Variants in POC5 observed in about 807,000 individuals in gnomAD.
The protein encoded by POC5 is centrosomal protein POC5.
A neutral mutation model predicts 62.9 loss-of-function variants in POC5; 48 were observed. The observed-to-expected ratio is 0.76, with a 90% CI of 0.61 to 0.97. POC5 has a LOEUF of 0.97. Among genes scored for constraint, POC5 ranks in the 50% least tolerant of loss-of-function variants. POC5 has a pLI of 0.00. For synonymous variants in POC5, 236 were observed against 228.2 expected (o/e 1.03, Z -0.31); for missense variants, 696 against 679.5 (o/e 1.02, Z -0.27).
At chr5:75,681,864 C>T (rs1456788500) in intron 10 of POC5, among the ~76,000 whole-genome samples, 1 of 152,138 alleles carries the variant, frequency 6.6e-6, no homozygotes, top group Non-Finnish European at 1.5e-5. Flanking sequence ...TTTTCCTATT[C>T]CCAACAATGA....
At position 75,690,509 on chromosome 5, in the gene POC5, T is replaced by G. The variant is rs773738130; in HGVS notation, c.849A>C (p.Lys283Asn). 2 of 1,604,398 alleles carry G rather than the reference T, an allele frequency of 1.2e-6. No individual in the cohort carries two copies. Among genetic ancestry groups the G allele is most frequent in the Admixed American group, 3.4e-5 (2 of 58,816 alleles). Reference sequence around the variant, plus strand: ...CTACGGAACGCCAGACTTTCCAGACTTTCTTCAGTAAAGTTCTCTGGTAGT... The same window carrying G: ...CTACGGAACGCCAGACTTTCCAGACGTTCTTCAGTAAAGTTCTCTGGTAGT... Reference protein sequence around the residue: ...DQYYQRTLLKKVWKVWRSVVQ... With the variant: ...DQYYQRTLLKNVWKVWRSVVQ... The change falls in exon 8 of 12, where the codon AAA becomes AAC. Residue 283 changes from lysine (K) to asparagine (N), a missense_variant. Lys to Asn is a moderately conservative substitution (Grantham distance 94). Coordinates refer to ENST00000428202, the MANE Select transcript of POC5 (RefSeq NM_001099271.2).
chr5:75,687,068 T>A (rs1383242015), intron 9 of POC5, among the ~76,000 whole-genome samples: 1 of 152,164 alleles, frequency 6.6e-6, no homozygotes, highest in Non-Finnish European at 1.5e-5. Flanking sequence ...TCTCGCTCTG[T>A]CGCCCAGGCT....
chr5:75,715,460 C>A (rs1777519338), intron 1 of POC5, among the ~76,000 whole-genome samples: 1 of 151,394 alleles, frequency 6.6e-6, no homozygotes, highest in South Asian at 2.1e-4. Context: ...TAGATGGCGG[C>A]AGGTGAGACA....
intron 1 of POC5, among the ~76,000 whole-genome samples, chr5:75,714,406 G>A (rs1045818954): frequency 2.6e-5 from 4 of 152,090 alleles, no homozygotes; most frequent in Admixed American, 1.3e-4. Context: ...GATCAATTGA[G>A]AGCTGACTGC....
intron 7 of POC5, 82 bp from the exon 8 acceptor site, chr5:75,690,644 T>G: frequency 9.4e-7 from 1 of 1,067,118 alleles, no homozygotes; most frequent in Non-Finnish European, 1.3e-6. Context: ...AACATGGTGG[T>G]AAGTGTACAT....
intron 10 of POC5, among the ~76,000 whole-genome samples, chr5:75,680,278 T>C (rs1484214598): frequency 6.6e-6 from 1 of 152,182 alleles, no homozygotes; most frequent in Non-Finnish European, 1.5e-5. Flanking sequence ...GTCCTCTCAG[T>C]AGCCATGATT....
chr5:75,698,773 C>T (rs1391181881), intron 5 of POC5, among the ~76,000 whole-genome samples: 1 of 151,966 alleles, frequency 6.6e-6, no homozygotes, highest in African/African-American at 2.4e-5. Flanking sequence ...ATTAATGAAT[C>T]CAGGAGCTGG....
In POC5 at chr5:75,702,627, T is replaced by G; in HGVS notation, c.491A>C (p.Asp164Ala). Residue 164 changes from aspartate to alanine, a missense_variant, in exon 5 of 12, where the codon GAT becomes GCT. Coordinates refer to ENST00000428202, the MANE Select transcript of POC5 (RefSeq NM_001099271.2). The stretch of plus-strand genomic sequence containing the variant: ...TACCTTAAGACCTGAACTCCAAAGA[T>G]CAAGCACATTTTCCATCTTCTGAAG... ...ENLQKMENVL[D>A]LWSSGLKTNI... The G allele has an allele frequency of 6.2e-7, 1 of 1,613,358 alleles. No individual in the cohort carries two copies. Among genetic ancestry groups the G allele is most frequent in the South Asian group, 1.1e-5 (1 of 90,854 alleles).
At chr5:75,712,278 C>A in intron 2 of POC5, 1 of 1,358,638 alleles carries the variant, frequency 7.4e-7, no homozygotes, top group Non-Finnish European at 1.0e-6. Flanking sequence ...AAATCTACTC[C>A]AGAAATCTAA....
intron 11 of POC5, among the ~76,000 whole-genome samples, chr5:75,674,995 T>C (rs1005141110): frequency 6.6e-6 from 1 of 152,202 alleles, no homozygotes; most frequent in Non-Finnish European, 1.5e-5. Flanking sequence ...AGTATGTGGA[T>C]GTGATTATCT....
chr5:75,690,506 G>C lies in POC5; in HGVS notation c.852C>G (p.Val284=). The C allele has an allele frequency of 6.2e-7, 1 of 1,605,058 alleles. No homozygotes were observed. Among genetic ancestry groups the C allele is most frequent in the Non-Finnish European group, 8.5e-7 (1 of 1,175,028 alleles). Reference sequence around the variant, plus strand: ...GCACTACGGAACGCCAGACTTTCCAGACTTTCTTCAGTAAAGTTCTCTGGT... The same window carrying C: ...GCACTACGGAACGCCAGACTTTCCACACTTTCTTCAGTAAAGTTCTCTGGT... The part of the protein sequence containing the change: ...QYYQRTLLKK[V]WKVWRSVVQK... Residue 284 remains valine, a synonymous_variant, in exon 8 of 12, where the codon GTC becomes GTG. Coordinates refer to ENST00000428202, the MANE Select transcript of POC5 (RefSeq NM_001099271.2).
chr5:75,699,389 C>G (rs1360026369), intron 5 of POC5, among the ~76,000 whole-genome samples: 3 of 152,060 alleles, frequency 2.0e-5, no homozygotes, highest in Non-Finnish European at 4.4e-5. Flanking sequence ...TGGGCTTCAT[C>G]CCTGGGATGC....
In POC5 at chr5:75,712,933, G is replaced by T; in HGVS notation, c.5C>A (p.Ser2Ter). The change falls in exon 2 of 12, where the codon TCA (serine) becomes TAA (stop). Residue 2 changes from serine to a stop codon, truncating the protein, a stop_gained. Transcript: ENST00000428202. LOFTEE classifies it high-confidence loss of function. ...AAGTGAGTATTTCTCCTCATCTGAT[G>T]ACATTCTGCACAAATGCTCTAAAAC... M[S>*]SDEEKYSLPV... 1 of 1,609,998 alleles carries T rather than the reference G, an allele frequency of 6.2e-7. No homozygotes were observed. Among genetic ancestry groups the T allele is most frequent in the South Asian group, 1.1e-5 (1 of 90,108 alleles).
At chr5:75,716,321 G>A (rs1742553828) in intron 1 of POC5, among the ~76,000 whole-genome samples, 1 of 135,062 alleles carries the variant, frequency 7.4e-6, no homozygotes, top group Non-Finnish European at 1.5e-5. Context: ...GTGATAACTT[G>A]GTCCATTTAT....
intron 1 of POC5, among the ~76,000 whole-genome samples, chr5:75,716,215 C>T (rs1224577138): frequency 2.0e-5 from 3 of 152,138 alleles, no homozygotes; most frequent in South Asian, 4.1e-4. Flanking sequence ...TAAATCTCAG[C>T]ATGACTGTCT....
At chr5:75,708,221 C>T (rs573231726) in intron 2 of POC5, among the ~76,000 whole-genome samples, 72 of 152,130 alleles carry the variant, frequency 4.7e-4, no homozygotes, top group Admixed American at 7.2e-4. Context: ...GTGGTGTGTG[C>T]CTGTAGTTGT....
intron 6 of POC5, among the ~76,000 whole-genome samples, chr5:75,693,932 G>C (rs1776449885): frequency 6.6e-6 from 1 of 152,194 alleles, no homozygotes; most frequent in African/African-American, 2.4e-5. Flanking sequence ...CTAAAGGAAA[G>C]TGAAATAAAA....
At chr5:75,690,850 A>T (rs1022108039) in intron 7 of POC5, among the ~76,000 whole-genome samples, 1 of 152,230 alleles carries the variant, frequency 6.6e-6, no homozygotes. Context: ...AAAAGAATAC[A>T]ACCAAATGAA....
chr5:75,686,050 G>A (rs2112101351), intron 9 of POC5, among the ~76,000 whole-genome samples: 1 of 152,254 alleles, frequency 6.6e-6, no homozygotes, highest in African/African-American at 2.4e-5. Context: ...AAAGAAATGG[G>A]TTCTTGCAGA....
Sources: allele counts gnomAD v4.1 joint callset (sites outside exome capture counted in the v4.1 genomes callset), GRCh38; gene constraint gnomAD v4.1.1; transcripts MANE v1.5; gene names NCBI Gene and HGNC (gene_info 2026-07-23, HGNC 2026-07-21).